The following TTC8 variants were observed in gnomAD, a reference collection of about 807,000 sequenced individuals.
The protein encoded by TTC8 is tetratricopeptide repeat domain 8.
TTC8 carries 47 observed loss-of-function variants against 72.5 expected under a neutral mutation model. The ratio of observed to expected loss-of-function variants is 0.65; its 90% CI spans 0.51 to 0.83. TTC8 has a LOEUF of 0.83. Among genes scored for constraint, TTC8 ranks in the 40% least tolerant of loss-of-function variants. TTC8 has a pLI of 0.00. For synonymous variants in TTC8, 199 were observed against 221.4 expected, an observed-to-expected ratio of 0.90 and a Z score of 0.90; for missense variants, 611 against 623.2, an observed-to-expected ratio of 0.98 and a Z score of 0.21.
At chr14:88,840,794 A>G in intron 3 of TTC8, 71 bp from the exon 4 acceptor site, 1 of 1,505,304 alleles carries the variant, frequency 6.6e-7, no homozygotes, top group Non-Finnish European at 9.2e-7. Flanking sequence ...AATTCTGAAA[A>G]TTGTATTAGC....
intron 7 of TTC8, chr14:88,846,721 C>G (rs557697059): frequency 8.4e-6 from 9 of 1,075,516 alleles, no homozygotes; most frequent in South Asian, 3.1e-5. Flanking sequence ...TCTAAAGATT[C>G]TAAGGGTTAG....
rs547224343 is a variant in TTC8 at position 88,828,599 on chromosome 14, T to G, written c.114+3778T>G. ...AAATGGATTCATTTTTGCTCTTACGTTTTCCCCTCCCCATTACAAAAGATA... is the reference window on the plus strand; with the variant it reads ...AAATGGATTCATTTTTGCTCTTACGGTTTCCCCTCCCCATTACAAAAGATA... On this transcript the variant is annotated intron_variant, in intron 1 of 14. Coordinates refer to ENST00000380656, the MANE Select transcript of TTC8 (RefSeq NM_144596.4). Among the ~76,000 whole-genome samples the G allele has an allele frequency of 2.5e-3, 383 of 152,314 alleles. 5 individuals carry two copies. Among genetic ancestry groups the G allele is most frequent in the African/African-American group, 8.9e-3 (370 of 41,568 alleles).
At chr14:88,835,134 G>A (rs1199732856) in intron 2 of TTC8, among the ~76,000 whole-genome samples, 1 of 152,152 alleles carries the variant, frequency 6.6e-6, no homozygotes, top group Non-Finnish European at 1.5e-5. Flanking sequence ...TAGTTACTGA[G>A]TCTTATGATG....
chr14:88,855,218 G>A (rs529065473), intron 8 of TTC8, among the ~76,000 whole-genome samples: 82 of 152,242 alleles, frequency 5.4e-4, no homozygotes, highest in African/African-American at 1.3e-3. Context: ...AAATTTATTT[G>A]TGAACATGTT....
intron 2 of TTC8, chr14:88,834,083 A>T: frequency 3.3e-6 from 1 of 299,650 alleles, no homozygotes; most frequent in Non-Finnish European, 6.4e-6. Context: ...AAAGACTGTG[A>T]TGGATGGGAT....
rs1751933209 is a variant in TTC8, at chr14:88,853,348, A to G, written c.710+292A>G. ...GTGGCTGTAATTTGCATCAGGAGCT[A>G]GTGAGTAACAGACCAGGGACTAGAA... On this transcript the variant is annotated intron_variant, in intron 8 of 14. Coordinates refer to ENST00000380656, the MANE Select transcript of TTC8 (RefSeq NM_144596.4). Among the ~76,000 whole-genome samples, 3 of 152,218 alleles carry G rather than the reference A, an allele frequency of 2.0e-5. No individual in the cohort carries two copies. In the South Asian group the frequency reaches 6.2e-4, roughly 32 times the overall value.
chr14:88,846,331 A>AAAAG (rs2094806347), intron 7 of TTC8, among the ~76,000 whole-genome samples: 4 of 151,518 alleles, frequency 2.6e-5, no homozygotes, highest in African/African-American at 9.8e-5. Context: ...TGTCTCAAAA[A>AAAAG]AAAAGAAAAG....
intron 9 of TTC8, 49 bp downstream of exon 9, chr14:88,857,326 T>G (rs1299131559): frequency 6.6e-7 from 1 of 1,515,494 alleles, no homozygotes; most frequent in African/African-American, 1.4e-5. Flanking sequence ...GAATAAATGT[T>G]TAAATTCTGG....
chr14:88,841,161 A>AC lies in TTC8; in HGVS notation c.456dup (p.Ser153GlnfsTer19). 6.2e-7 allele frequency: 1 copy of AC among 1,614,066 alleles called. No individual in the cohort carries two copies. The highest frequency in any genetic ancestry group is 8.5e-7 in the Non-Finnish European group (1 of 1,180,000). The stretch of plus-strand genomic sequence containing the variant: ...AACCGCCTACACAGCCCGCCCTATC[A>AC]CCAGCTCCTCCGGAAGATTTGTCAG... On this transcript the variant is annotated frameshift_variant, in exon 5 of 15. Transcript: ENST00000380656. LOFTEE classifies it high-confidence loss of function.
chr14:88,849,006 T>A (rs1206827882), intron 7 of TTC8, among the ~76,000 whole-genome samples: 1 of 152,210 alleles, frequency 6.6e-6, no homozygotes, highest in Admixed American at 6.5e-5. Flanking sequence ...ACCCCCAATA[T>A]ACATACATTT....
chr14:88,863,010 T>C (rs2094895244), intron 10 of TTC8, among the ~76,000 whole-genome samples: 1 of 142,096 alleles, frequency 7.0e-6, no homozygotes, highest in East Asian at 2.2e-4. Flanking sequence ...AGGATTGGCC[T>C]ATCAAGAGCC....
chr14:88,846,637 C>T, intron 7 of TTC8: 1 of 1,466,124 alleles, frequency 6.8e-7, no homozygotes, highest in Non-Finnish European at 9.2e-7. Context: ...TGGAATTTAC[C>T]CATTCTTATT....
At chr14:88,876,622 ATAT>A (rs1486426451) in intron 14 of TTC8, among the ~76,000 whole-genome samples, 21 of 152,168 alleles carry the variant, frequency 1.4e-4, no homozygotes, top group Admixed American at 1.4e-3. Context: ...CCTCATAAAT[ATAT>A]TATTATGTAT....
chr14:88,866,411 A>ACACG (rs894772220), intron 10 of TTC8, among the ~76,000 whole-genome samples: 1 of 149,498 alleles, frequency 6.7e-6, no homozygotes, highest in Non-Finnish European at 1.5e-5. Flanking sequence ...ACACACACAC[A>ACACG]CACGCACACA....
intron 1 of TTC8, among the ~76,000 whole-genome samples, chr14:88,826,500 T>G (rs1029105534): frequency 6.6e-6 from 1 of 150,730 alleles, no homozygotes; most frequent in Non-Finnish European, 1.5e-5. Context: ...GTCAGGAGAT[T>G]GAGACCATCC....
At chr14:88,857,752 C>T (rs2094863663) in intron 9 of TTC8, among the ~76,000 whole-genome samples, 1 of 152,122 alleles carries the variant, frequency 6.6e-6, no homozygotes, top group African/African-American at 2.4e-5. Flanking sequence ...CAGTTTAACC[C>T]TCACAATAAC....
chr14:88,849,439 A>G (rs940176649), intron 7 of TTC8, among the ~76,000 whole-genome samples: 4 of 152,226 alleles, frequency 2.6e-5, no homozygotes, highest in African/African-American at 9.6e-5. Flanking sequence ...ATGTTAAGAA[A>G]TCAGAGGTGT....
In TTC8 at chr14:88,861,322, GAATCT is replaced by G; in HGVS notation, c.901_905del (p.Ile301Ter). ...GTAACCCTGCTCTGTGGAATTGCAA[GAATCT>G]ATGAGGTAATTCATGTTATTATTAT... On this transcript the variant is annotated frameshift_variant, in exon 10 of 15. Transcript: ENST00000380656. LOFTEE classifies it high-confidence loss of function. The G allele has an allele frequency of 1.3e-6, 2 of 1,599,378 alleles. No individual in the cohort carries two copies. The highest frequency in any genetic ancestry group is 2.2e-5 in the East Asian group (1 of 44,568).
intron 2 of TTC8, among the ~76,000 whole-genome samples, chr14:88,839,214 C>A (rs549203281): frequency 6.6e-6 from 1 of 152,092 alleles, no homozygotes; most frequent in South Asian, 2.1e-4. Flanking sequence ...AGAAGACTAC[C>A]AGGTAATTAC....
Sources: allele counts gnomAD v4.1 joint callset (sites outside exome capture counted in the v4.1 genomes callset), GRCh38; gene constraint gnomAD v4.1.1; transcripts MANE v1.5; gene names NCBI Gene and HGNC (gene_info 2026-07-23, HGNC 2026-07-21).